Variants in CLOCK observed in about 807,000 individuals in gnomAD.
The protein encoded by CLOCK is clock circadian regulator.
Under a neutral mutation model 118.4 loss-of-function variants are expected in CLOCK, and 43 were observed. The ratio of observed to expected loss-of-function variants is 0.36; its 90% CI spans 0.28 to 0.47. The LOEUF (loss-of-function observed/expected upper bound fraction) is 0.47. Ranked by LOEUF, CLOCK falls within the 20% of genes least tolerant of loss-of-function variation. The pLI, the probability that CLOCK is intolerant of heterozygous loss-of-function variation, is 1.00. For missense variants in CLOCK, 846 were observed against 999.9 expected, an observed-to-expected ratio of 0.85 and a Z score of 2.08; for synonymous variants, 326 against 339.2, an observed-to-expected ratio of 0.96 and a Z score of 0.43.
intron 2 of CLOCK, among the ~76,000 whole-genome samples, chr4:55,506,868 T>C (rs1287943187): frequency 2.0e-5 from 3 of 152,140 alleles, no homozygotes; most frequent in Admixed American, 1.3e-4. Flanking sequence ...GTCTATAGTA[T>C]ATACATTTTA....
intron 2 of CLOCK, among the ~76,000 whole-genome samples, chr4:55,504,155 A>G (rs918989208): frequency 4.6e-5 from 7 of 151,346 alleles, no homozygotes; most frequent in East Asian, 1.9e-4. Context: ...GTGTGGTGGC[A>G]GGCGCCTATA....
chr4:55,512,136 T>C (rs937192088), intron 1 of CLOCK, among the ~76,000 whole-genome samples: 7 of 152,096 alleles, frequency 4.6e-5, no homozygotes, highest in Non-Finnish European at 1.0e-4. Context: ...GGTAAGACTA[T>C]GTTTAGTTTC....
intron 17 of CLOCK, 133 bp downstream of exon 17, chr4:55,449,263 T>A (rs1414461345): frequency 3.9e-6 from 3 of 769,666 alleles, no homozygotes; most frequent in Non-Finnish European, 6.6e-6. Context: ...AAGTCTTAAG[T>A]AAGTGTCACA....
At chr4:55,543,074 G>A (rs1731386934) in intron 1 of CLOCK, among the ~76,000 whole-genome samples, 2 of 151,976 alleles carry the variant, frequency 1.3e-5, no homozygotes, top group African/African-American at 4.8e-5. Context: ...CACCCCATCT[G>A]GCTAATTTTT....
intron 2 of CLOCK, among the ~76,000 whole-genome samples, chr4:55,494,423 C>G (rs978780011): frequency 6.6e-6 from 1 of 152,118 alleles, no homozygotes; most frequent in African/African-American, 2.4e-5. Flanking sequence ...CCTGCATTAT[C>G]CAAGTGGGTC....
chr4:55,453,971 T>C (rs1001417258), intron 13 of CLOCK, 147 bp from the exon 14 acceptor site: 3 of 652,334 alleles, frequency 4.6e-6, no homozygotes, highest in African/African-American at 1.8e-5. Context: ...ATGAAAATGT[T>C]ATTCTTTAGA....
chr4:55,459,458 A>G (rs1438522884), intron 9 of CLOCK, among the ~76,000 whole-genome samples, 197 bp from the exon 10 acceptor site: 1 of 152,200 alleles, frequency 6.6e-6, no homozygotes, highest in East Asian at 1.9e-4. Flanking sequence ...TAGAAAAAAT[A>G]GATTTTCTGG....
At chr4:55,513,239 A>C (rs1729276739) in intron 1 of CLOCK, among the ~76,000 whole-genome samples, 1 of 151,026 alleles carries the variant, frequency 6.6e-6, no homozygotes, top group African/African-American at 2.5e-5. Flanking sequence ...ACAAACTCTT[A>C]CTGTTATATT....
At chr4:55,452,604 A>C (rs1202280400) in intron 15 of CLOCK, 1 of 174,732 alleles carries the variant, frequency 5.7e-6, no homozygotes, top group African/African-American at 2.4e-5. Context: ...CTAATATACT[A>C]TACTTCTGAC....
intron 22 of CLOCK, 95 bp from the exon 23 acceptor site, chr4:55,435,689 T>C (rs1175873338): frequency 2.3e-6 from 3 of 1,287,186 alleles, no homozygotes; most frequent in Admixed American, 1.8e-5. Context: ...AGGGACAAAA[T>C]CCTTAAAATT....
Position 55,435,316 on chromosome 4 carries a change from G to C in CLOCK, c.*99C>G. 2.1e-6 allele frequency: 3 copies of C among 1,419,406 alleles called. No individual in the cohort carries two copies. Among genetic ancestry groups the C allele is most frequent in the East Asian group, 2.3e-5 (1 of 43,760 alleles). 87.9% of individuals were successfully genotyped at this position (1,419,406 alleles called of 1,614,324 possible). On this transcript the variant is annotated 3_prime_UTR_variant, in exon 23 of 23. Coordinates refer to ENST00000513440, the MANE Select transcript of CLOCK (RefSeq NM_004898.4). ...TAGAACACTCAATACTGCATCTCAT[G>C]AAACTGCTGGAACTTTCCCTCCTTT...
chr4:55,450,168 A>G lies in CLOCK; in HGVS notation c.1271T>C (p.Phe424Ser). Residue 424 changes from phenylalanine (F) to serine (S), a missense_variant, in exon 16 of 23, where the codon TTT becomes TCT. Physicochemically the swap from Phe to Ser is radical, Grantham distance 155 (BLOSUM62 -2). This residue lies in a region of CLOCK where 520 missense variants were observed against 558.0 expected (regional missense o/e 0.93). Coordinates refer to ENST00000513440, the MANE Select transcript of CLOCK (RefSeq NM_004898.4). ...TVSLKEALER[F>S]DHSPTPSASS... is the part of the protein sequence containing the mutation. ...GGCAGAAGGGGTTGGGCTGTGATCA[A>G]ACCTTTCCAATGCTTCCTTGAGACT... 2 of 1,614,054 alleles carry G rather than the reference A, an allele frequency of 1.2e-6. No homozygotes were observed. The highest frequency in any genetic ancestry group is 8.5e-7 in the Non-Finnish European group (1 of 1,179,996).
chr4:55,463,820 G>T lies in CLOCK; in HGVS notation c.439-15C>A, dbSNP rs923396943. 1.9e-6 allele frequency: 3 copies of T among 1,601,206 alleles called. No homozygotes were observed. The highest frequency in any genetic ancestry group is 1.1e-5 in the South Asian group (1 of 90,322). On this transcript the variant is annotated splice_polypyrimidine_tract_variant and intron_variant, in intron 8 of 22. Coordinates refer to ENST00000513440, the MANE Select transcript of CLOCK (RefSeq NM_004898.4). Reference sequence around the variant, plus strand: ...ACAAGATCAGACTGAAAAGAAAATTGTTAAAAGTAAAATAACTTCAATGAT... The same window carrying T: ...ACAAGATCAGACTGAAAAGAAAATTTTTAAAAGTAAAATAACTTCAATGAT...
intron 20 of CLOCK, among the ~76,000 whole-genome samples, chr4:55,442,912 C>T (rs1222169188): frequency 1.3e-5 from 2 of 152,006 alleles, no homozygotes; most frequent in Non-Finnish European, 2.9e-5. Flanking sequence ...CTGTTAAATG[C>T]CCAAAGTGAA....
intron 14 of CLOCK, 51 bp from the exon 15 acceptor site, chr4:55,453,180 A>G: frequency 5.0e-6 from 7 of 1,400,710 alleles, no homozygotes; most frequent in Non-Finnish European, 7.1e-6. Flanking sequence ...TTCGTTTAAA[A>G]TACTGCACAG....
Position 55,430,507 on chromosome 4 carries a change from T to A in CLOCK, c.*4908A>T, listed in dbSNP as rs1364385079. ...CACTGTTTTAAATATCCTGAATAAC[T>A]GTGCCAACAAAATTCATCCCCAGTG... is the stretch of plus-strand genomic sequence containing the variant. On this transcript the variant is annotated 3_prime_UTR_variant, in exon 23 of 23. Coordinates refer to ENST00000513440, the MANE Select transcript of CLOCK (RefSeq NM_004898.4). The A allele has an allele frequency of 6.6e-6, 1 of 152,074 alleles. No individual in the cohort carries two copies. Among genetic ancestry groups the A allele is most frequent in the Admixed American group, 6.5e-5 (1 of 15,276 alleles). The allele number at this position is 152,074 out of a possible 1,614,324, so 9.4% of individuals were successfully genotyped here.
intron 1 of CLOCK, among the ~76,000 whole-genome samples, chr4:55,525,021 C>CT (rs1730086932): frequency 6.6e-6 from 1 of 151,648 alleles, no homozygotes; most frequent in Non-Finnish European, 1.5e-5. Context: ...TTCATATTAT[C>CT]TTTTAGGAGG....
chr4:55,438,177 CT>C, intron 22 of CLOCK, 104 bp downstream of exon 22: 1 of 1,393,160 alleles, frequency 7.2e-7, no homozygotes. Flanking sequence ...GTACAATAAG[CT>C]TTTGTGAATT....
In CLOCK at chr4:55,432,806, G is replaced by A. The variant is rs532551524; in HGVS notation, c.*2609C>T. On this transcript the variant is annotated 3_prime_UTR_variant, in exon 23 of 23. Transcript: ENST00000513440. ...TTCTAAGCAGGAAAAGATGAGCTGC[G>A]AAGAACAGTAAGAATCATAAAGGAA... 6 of 152,236 alleles carry A rather than the reference G, an allele frequency of 3.9e-5. No homozygotes were observed. Among genetic ancestry groups the A allele is most frequent in the South Asian group, 2.1e-4 (1 of 4,824 alleles). The allele number at this position is 152,236 out of a possible 1,614,324, so 9.4% of individuals were successfully genotyped here.
Sources: gnomAD v4.1 joint callset for allele counts (sites outside exome capture counted in the v4.1 genomes callset) on GRCh38, gnomAD v4.1.1 for gene constraint, gnomAD v4.1.1 regional missense constraint, MANE v1.5 for transcripts, NCBI Gene and HGNC (gene_info 2026-07-23, HGNC 2026-07-21) for gene names.